USP34: variants seen among roughly 807,000 people sequenced by gnomAD.
USP34 encodes the protein ubiquitin specific peptidase 34.
In USP34, 70 loss-of-function variants were observed where a neutral mutation model predicts 460.3. The ratio of observed to expected loss-of-function variants is 0.15; its 90% confidence interval spans 0.13 to 0.19. The LOEUF (loss-of-function observed/expected upper bound fraction) is 0.19, where lower values mean the gene tolerates loss of function less well. USP34 is among the 10% of genes least tolerant of loss of function. USP34 has a pLI of 1.00. For missense variants in USP34, 3,985 were observed against 4,236.2 expected, an observed-to-expected ratio of 0.94 and a Z score of 1.65; for synonymous variants, 1,647 against 1,405.3, an observed-to-expected ratio of 1.17 and a Z score of -3.85.
rs181465881 is a variant in USP34, at chr2:61,281,095, T to C, written c.5146A>G (p.Ile1716Val). 2.0e-5 allele frequency: 32 copies of C among 1,613,356 alleles called. No individual in the cohort carries two copies. In the East Asian group the frequency reaches 2.2e-4, roughly 11 times the overall value. Residue 1716 changes from isoleucine (I) to valine (V), a missense_variant, in exon 38 of 80, where the codon ATT becomes GTT. Physicochemically the swap from Ile to Val is conservative, Grantham distance 29. Coordinates refer to ENST00000398571, the MANE Select transcript of USP34 (RefSeq NM_014709.4). ...TAAACACAGTAAAATCTTACCCTAATAGGTTTGAGTGCTTGAGCATCAGGA... is the reference window on the plus strand; with the variant it reads ...TAAACACAGTAAAATCTTACCCTAACAGGTTTGAGTGCTTGAGCATCAGGA... ...FLPDAQALKP[I>V]RIDDYEEEPI...
At chr2:61,442,406 C>CAAAAA (rs70963430) in intron 1 of USP34, among the ~76,000 whole-genome samples, 1 of 121,442 alleles carries the variant, frequency 8.2e-6, no homozygotes, top group Non-Finnish European at 1.7e-5. Context: ...ATCTTAACAG[C>CAAAAA]AAAAAAAAAA....
At chr2:61,427,328 C>A (rs1694542261) in intron 1 of USP34, among the ~76,000 whole-genome samples, 1 of 152,044 alleles carries the variant, frequency 6.6e-6, no homozygotes, top group African/African-American at 2.4e-5. Flanking sequence ...GTGCCCGGCC[C>A]CAAGTTCTTT....
intron 53 of USP34, among the ~76,000 whole-genome samples, chr2:61,237,768 G>T (rs1175865648): frequency 6.6e-6 from 1 of 150,568 alleles, no homozygotes; most frequent in Non-Finnish European, 1.5e-5. Flanking sequence ...TAGAGATGGG[G>T]TTTTGCCCTG....
intron 58 of USP34, among the ~76,000 whole-genome samples, chr2:61,231,066 A>C (rs561541759): frequency 1.3e-5 from 2 of 152,354 alleles, no homozygotes; most frequent in African/African-American, 4.8e-5. Flanking sequence ...TGGCAAAAAA[A>C]GAAAATGTAA....
intron 3 of USP34, among the ~76,000 whole-genome samples, chr2:61,399,412 T>C (rs530776926): frequency 1.5e-3 from 229 of 152,174 alleles, no homozygotes; most frequent in Middle Eastern, 6.8e-3. Context: ...ACATCTATTT[T>C]GGTGATTCAG....
Position 61,221,621 on chromosome 2 carries a change from C to G in USP34, c.7795-15G>C. 1 of 1,611,644 alleles carries G rather than the reference C, an allele frequency of 6.2e-7. No homozygotes were observed. The highest frequency in any genetic ancestry group is 8.5e-7 in the Non-Finnish European group (1 of 1,178,150). On this transcript the variant is annotated splice_polypyrimidine_tract_variant and intron_variant, in intron 65 of 79. Transcript: ENST00000398571. ...GGATTGGCTGCCTGTAAAACACATACATGACTGTGTATTTAGATCAATCTG... is the reference window on the plus strand; with the variant it reads ...GGATTGGCTGCCTGTAAAACACATAGATGACTGTGTATTTAGATCAATCTG...
At chr2:61,235,737 T>C (rs2103843890) in intron 57 of USP34, 108 bp downstream of exon 57, 1 of 1,015,114 alleles carries the variant, frequency 9.9e-7, no homozygotes, top group Non-Finnish European at 1.4e-6. Flanking sequence ...GACTTCCATT[T>C]GGCTCCCTGT....
chr2:61,388,776 T>C (rs1189189253), intron 5 of USP34, among the ~76,000 whole-genome samples: 2 of 151,368 alleles, frequency 1.3e-5, no homozygotes, highest in African/African-American at 4.9e-5. Flanking sequence ...TATATATATA[T>C]ATATATATGT....
chr2:61,405,196 G>A (rs1174875271), intron 3 of USP34, among the ~76,000 whole-genome samples: 2 of 121,820 alleles, frequency 1.6e-5, no homozygotes, highest in African/African-American at 6.4e-5. Context: ...TCACACCACT[G>A]CATTCCAGCC....
At position 61,311,838 on chromosome 2, in the gene USP34, G is replaced by A. The variant is rs1373369866; in HGVS notation, c.3615C>T (p.Asp1205=). The part of the protein sequence containing the change: ...GISSHLKALS[D]KQSLPLRVVC... ...CAACCCTTAGCGGCAGAGACTGTTT[G>A]TCACTCAGTGCTTTCAAATGACTAC... Residue 1205 remains aspartate (D), a synonymous_variant, in exon 26 of 80, where the codon GAC becomes GAT. Coordinates refer to ENST00000398571, the MANE Select transcript of USP34 (RefSeq NM_014709.4). 2.5e-6 allele frequency: 4 copies of A among 1,614,028 alleles called. No homozygotes were observed. The highest frequency in any genetic ancestry group is 3.4e-6 in the Non-Finnish European group (4 of 1,179,952).
chr2:61,313,263 TGTACATCTGAG>T (rs1690650372), intron 25 of USP34, among the ~76,000 whole-genome samples: 1 of 152,044 alleles, frequency 6.6e-6, no homozygotes, highest in Non-Finnish European at 1.5e-5. Flanking sequence ...GAAAAAAATT[TGTACATCTGAG>T]AAGGAATTTT....
chr2:61,358,711 T>C (rs1319368349), intron 10 of USP34, among the ~76,000 whole-genome samples: 2 of 152,084 alleles, frequency 1.3e-5, no homozygotes, highest in Non-Finnish European at 2.9e-5. Context: ...CATATACATA[T>C]AGAAAATCCT....
At chr2:61,347,819 T>C (rs775772208) in intron 15 of USP34, 51 bp downstream of exon 15, 12 of 1,585,906 alleles carry the variant, frequency 7.6e-6, no homozygotes, top group Middle Eastern at 1.7e-4. Context: ...TAGGATATAA[T>C]ACTTCCCTAA....
intron 79 of USP34, 81 bp downstream of exon 79, chr2:61,188,829 A>C: frequency 6.3e-7 from 1 of 1,578,846 alleles, no homozygotes; most frequent in Non-Finnish European, 8.6e-7. Context: ...AGCTGAACAC[A>C]CAACTCTTAA....
intron 27 of USP34, among the ~76,000 whole-genome samples, chr2:61,309,400 G>C (rs1349471920): frequency 6.6e-6 from 1 of 152,156 alleles, no homozygotes; most frequent in African/African-American, 2.4e-5. Flanking sequence ...AGAATTACCA[G>C]AAGGATGATA....
chr2:61,339,740 C>T (rs949205004), intron 16 of USP34, 59 bp from the exon 17 acceptor site: 10 of 891,524 alleles, frequency 1.1e-5, no homozygotes, highest in Non-Finnish European at 1.4e-5. Flanking sequence ...CTGATTATAG[C>T]ATTCATATGG....
intron 1 of USP34, among the ~76,000 whole-genome samples, chr2:61,426,196 C>T (rs1035730158): frequency 9.2e-5 from 14 of 152,224 alleles, no homozygotes; most frequent in Non-Finnish European, 1.6e-4. Context: ...GGGCAAAACT[C>T]CTACTTGAGA....
intron 23 of USP34, 28 bp downstream of exon 23, chr2:61,317,626 G>A: frequency 6.5e-7 from 1 of 1,539,622 alleles, no homozygotes; most frequent in Non-Finnish European, 8.9e-7. Context: ...GAATAAAGTT[G>A]CCTAATAAAG....
chr2:61,220,381 C>G lies in USP34; in HGVS notation c.7976G>C (p.Trp2659Ser), dbSNP rs1687525579. 1 of 1,613,850 alleles carries G rather than the reference C, an allele frequency of 6.2e-7. No homozygotes were observed. Among genetic ancestry groups the G allele is most frequent in the South Asian group, 1.1e-5 (1 of 91,062 alleles). Residue 2659 changes from tryptophan to serine, a missense_variant, in exon 67 of 80, where the codon TGG (tryptophan) becomes TCG (serine). Around this residue, in one of 14 missense-constraint regions of USP34, gnomAD observed 604 missense variants for 684.8 expected, o/e 0.88. Transcript: ENST00000398571. Reference protein sequence around the residue: ...QTPRNKLAHSWVLQNMENWVE... With the variant: ...QTPRNKLAHSSVLQNMENWVE... ...CCAGTTTTCCATATTCTGTAAGACCCAGCTGTGTGCCAGTTTATTTCGGGG... is the reference window on the plus strand; with the variant it reads ...CCAGTTTTCCATATTCTGTAAGACCGAGCTGTGTGCCAGTTTATTTCGGGG...
Sources: allele counts gnomAD v4.1 joint callset (sites outside exome capture counted in the v4.1 genomes callset), GRCh38; gene constraint gnomAD v4.1.1; regional missense constraint gnomAD v4.1.1; transcripts MANE v1.5; gene names NCBI Gene and HGNC (gene_info 2026-07-23, HGNC 2026-07-21).